Variants in CD99L2 observed in about 807,000 individuals in gnomAD.
CD99L2 encodes CD99 antigen-like protein 2.
CD99L2 carries 24 observed loss-of-function variants against 27.3 expected under a neutral mutation model. The ratio of observed to expected loss-of-function variants is 0.88; its 90% confidence interval spans 0.64 to 1.24. The LOEUF is 1.24. CD99L2 is among the 50% of genes most tolerant of loss of function. The probability of loss-of-function intolerance (pLI) is 0.00; values close to 1 mark genes in which losing one functional copy is unlikely to be tolerated. For synonymous variants in CD99L2, 97 were observed against 87.9 expected (o/e 1.10, Z -0.58); for missense variants, 255 against 221.6 (o/e 1.15, Z -0.96).
At chrX:150,777,246 T>C (rs187250816) in intron 8 of CD99L2, 198 bp downstream of exon 8, 17 of 470,921 alleles carry the variant, frequency 3.6e-5, no homozygotes, top group Non-Finnish European at 6.1e-5. Flanking sequence ...CCATAAGAAA[T>C]TTCTTTGTAG....
rs781824906 is a variant in CD99L2 at position 150,768,832 on chromosome X, T to C, written c.*202A>G. 727 of 920,855 alleles carry C rather than the reference T, an allele frequency of 7.9e-4. No individual in the cohort carries two copies. Among genetic ancestry groups the C allele is most frequent in the Middle Eastern group, 2.2e-3 (5 of 2,303 alleles). The allele number at this position is 920,855 out of a possible 1,213,427, so 75.9% of individuals were successfully genotyped here. A position where few individuals can be genotyped will look rare whatever the true frequency, so the allele number is the denominator to read the frequency against. ...CTTTCTATCAGAGCTGGCTCTTGAA[T>C]TTCGGCACCAAGTCTCAGCACGCTT... On this transcript the variant is annotated 3_prime_UTR_variant, in exon 11 of 11. Coordinates refer to ENST00000370377, the MANE Select transcript of CD99L2 (RefSeq NM_031462.4).
intron 7 of CD99L2, among the ~76,000 whole-genome samples, chrX:150,792,075 T>C (rs1478033980): frequency 8.9e-6 from 1 of 112,016 alleles, no homozygotes; most frequent in Non-Finnish European, 1.9e-5. Context: ...AATTCCATGG[T>C]GTGCTTATCA....
intron 1 of CD99L2, among the ~76,000 whole-genome samples, chrX:150,892,414 G>A (rs781868520): frequency 4.4e-4 from 47 of 106,578 alleles, no homozygotes; most frequent in African/African-American, 1.6e-3. Context: ...AGACCATCCT[G>A]GCTAACACGG....
intron 1 of CD99L2, among the ~76,000 whole-genome samples, chrX:150,889,802 T>C (rs1301143506): frequency 8.9e-6 from 1 of 112,685 alleles, no homozygotes. Flanking sequence ...TCAAAACTGG[T>C]TGAAGTGGAG....
rs2047569607 is a variant in CD99L2, at chrX:150,894,330, C to T, written c.67+4192G>A. ...CAGGTGCCGTGCTAAATGCTTTATA[C>T]GTTTCTACTCATTTAATCCTAATAA... On this transcript the variant is annotated intron_variant, in intron 1 of 10. Transcript: ENST00000370377. 4.5e-5 allele frequency among the ~76,000 whole-genome samples: 5 copies of T among 111,980 alleles called. No homozygotes were observed. In the South Asian group the frequency reaches 1.9e-3, roughly 42 times the overall value.
intron 1 of CD99L2, among the ~76,000 whole-genome samples, chrX:150,878,628 T>A (rs1272397984): frequency 9.0e-6 from 1 of 110,504 alleles, no homozygotes; most frequent in African/African-American, 3.3e-5. Context: ...GCAATCGGAA[T>A]CCCAACGGAC....
intron 2 of CD99L2, among the ~76,000 whole-genome samples, chrX:150,824,568 GAGGAGGAGGAGGAGA>G (rs1425421540): frequency 1.0e-5 from 1 of 98,416 alleles, no homozygotes; most frequent in Non-Finnish European, 2.1e-5. Flanking sequence ...AAAGAAGGAG[GAGGAGGAGGAGGAGA>G]AGGAGGAGAA....
At position 150,880,301 on chromosome X, in the gene CD99L2, T is replaced by G. The variant is rs141899850; in HGVS notation, c.67+18221A>C. ...CTGCAAAGCAGAAACAACCTGAATG[T>G]TCATCAGCTGGGGAACAGATAAACA... On this transcript the variant is annotated intron_variant, in intron 1 of 10. Coordinates refer to ENST00000370377, the MANE Select transcript of CD99L2 (RefSeq NM_031462.4). Among the ~76,000 whole-genome samples the G allele has an allele frequency of 8.2e-3, 923 of 112,440 alleles. 10 individuals carry two copies. Among genetic ancestry groups the G allele is most frequent in the African/African-American group, 0.011 (330 of 30,992 alleles).
chrX:150,814,767 T>G, intron 4 of CD99L2, 95 bp downstream of exon 4: 1 of 827,964 alleles, frequency 1.2e-6, no homozygotes, highest in Non-Finnish European at 1.8e-6. Flanking sequence ...TGCCTCCACC[T>G]CTGCCAAGCC....
At chrX:150,896,097 AGTTAATTAATTTAAACAATAAGCTGG>A (rs2047604174) in intron 1 of CD99L2, among the ~76,000 whole-genome samples, 1 of 108,939 alleles carries the variant, frequency 9.2e-6, no homozygotes, top group African/African-American at 3.4e-5. Context: ...TTCTGGTTTC[AGTTAATTAATTTAAACAATAAGCTGG>A]GCGTGGTGGC....
intron 1 of CD99L2, among the ~76,000 whole-genome samples, chrX:150,879,998 C>T (rs192052853): frequency 1.9e-5 from 2 of 108,059 alleles, no homozygotes; most frequent in East Asian, 5.7e-4. Flanking sequence ...AACCCAAACC[C>T]ATCATGAGTT....
chrX:150,778,499 T>C, intron 7 of CD99L2, among the ~76,000 whole-genome samples: 1 of 89,903 alleles, frequency 1.1e-5, no homozygotes, highest in African/African-American at 4.1e-5. Flanking sequence ...GCTGTGCACA[T>C]GTGGGGGTGG....
chrX:150,824,464 AAAG>A (rs782575423), intron 2 of CD99L2, among the ~76,000 whole-genome samples: 57 of 97,384 alleles, frequency 5.9e-4, no homozygotes, highest in South Asian at 1.1e-3. Flanking sequence ...AAGAAAGAAG[AAAG>A]AAGAAGAAGA....
intron 2 of CD99L2, chrX:150,818,915 G>T (rs971031625): frequency 3.8e-5 from 14 of 371,689 alleles, no homozygotes; most frequent in African/African-American, 3.1e-4. Flanking sequence ...TACTTTCCTA[G>T]AATTATTCCA....
At chrX:150,897,294 G>A (rs2047627510) in intron 1 of CD99L2, among the ~76,000 whole-genome samples, 1 of 112,468 alleles carries the variant, frequency 8.9e-6, no homozygotes, top group Non-Finnish European at 1.9e-5. Context: ...CAGGATGTAA[G>A]CTCCATGAAG....
intron 1 of CD99L2, among the ~76,000 whole-genome samples, chrX:150,846,771 C>G (rs182728391): frequency 9.0e-6 from 1 of 111,581 alleles, no homozygotes; most frequent in African/African-American, 3.3e-5. Flanking sequence ...TCTACTGATA[C>G]GACATAAGTT....
intron 4 of CD99L2, among the ~76,000 whole-genome samples, chrX:150,804,983 C>G (rs373861663): frequency 9.0e-6 from 1 of 111,412 alleles, no homozygotes; most frequent in African/African-American, 3.3e-5. Context: ...CACATGAGTT[C>G]GATACCAGCC....
chrX:150,793,701 G>C lies in CD99L2; in HGVS notation c.486C>G (p.Asp162Glu), dbSNP rs1557419784. 1 of 1,192,866 alleles carries C rather than the reference G, an allele frequency of 8.4e-7. No homozygotes were observed. Among genetic ancestry groups the C allele is most frequent in the African/African-American group, 1.8e-5 (1 of 56,317 alleles). The change falls in exon 7 of 11, where the codon GAC becomes GAG. Residue 162 changes from aspartate to glutamate, a missense_variant. Physicochemically the swap from Asp to Glu is conservative, Grantham distance 45. Coordinates refer to ENST00000370377, the MANE Select transcript of CD99L2 (RefSeq NM_031462.4). Reference sequence around the variant, plus strand: ...AATCAATGCTCCTACCTTTACCCTTGTCAGGTTTGTATTCTCCACCCCCTA... The same window carrying C: ...AATCAATGCTCCTACCTTTACCCTTCTCAGGTTTGTATTCTCCACCCCCTA... Reference protein sequence around the residue: ...DIVGGGEYKPDKGKGDGRYGS... With the variant: ...DIVGGGEYKPEKGKGDGRYGS...
At chrX:150,838,112 G>A (rs1603303090) in intron 1 of CD99L2, among the ~76,000 whole-genome samples, 3 of 112,126 alleles carry the variant, frequency 2.7e-5, no homozygotes, top group Admixed American at 9.5e-5. Flanking sequence ...TCAAAACCCC[G>A]TAACTCCAGT....
Sources: gnomAD v4.1 joint callset for allele counts (sites outside exome capture counted in the v4.1 genomes callset) on GRCh38, gnomAD v4.1.1 for gene constraint, MANE v1.5 for transcripts, NCBI Gene and HGNC (gene_info 2026-07-23, HGNC 2026-07-21) for gene names.